Variants in LDB2 observed in about 807,000 individuals in gnomAD.
The protein encoded by LDB2 is LIM domain-binding protein 2.
In LDB2, 12 loss-of-function variants were observed where a neutral mutation model predicts 44.3. The observed-to-expected ratio is 0.27, with a 90% confidence interval of 0.17 to 0.44. The LOEUF is 0.44. LDB2 is among the 20% of genes least tolerant of loss of function. The pLI, the probability that LDB2 is intolerant of heterozygous loss-of-function variation, is 1.00. For synonymous variants in LDB2, 164 were observed against 174.8 expected (o/e 0.94, Z 0.49); for missense variants, 344 against 473.5 (o/e 0.73, Z 2.54).
chr4:16,885,181 T>G (rs999419131), intron 1 of LDB2, among the ~76,000 whole-genome samples: 2 of 150,990 alleles, frequency 1.3e-5, no homozygotes, highest in Middle Eastern at 3.4e-3. Context: ...AAAAAAACTT[T>G]TTTAATTAGT....
chr4:16,506,696 A>G (rs1056063060), intron 7 of LDB2: 22 of 152,144 alleles, frequency 1.4e-4, no homozygotes, highest in Admixed American at 1.3e-3. Context: ...GAGAGAGAAA[A>G]TGTCCTTGCC....
At chr4:16,788,911 G>T (rs1224259801) in intron 1 of LDB2, among the ~76,000 whole-genome samples, 6 of 152,108 alleles carry the variant, frequency 3.9e-5, no homozygotes, top group Admixed American at 3.9e-4. Flanking sequence ...ACTGCAGCAG[G>T]GCCATTACAC....
chr4:16,607,103 A>G (rs1724164496), intron 2 of LDB2, among the ~76,000 whole-genome samples: 1 of 152,228 alleles, frequency 6.6e-6, no homozygotes, highest in African/African-American at 2.4e-5. Context: ...AGCAGTTACT[A>G]AAATAGAAGC....
intron 2 of LDB2, among the ~76,000 whole-genome samples, chr4:16,662,172 T>C (rs1741780044): frequency 6.6e-6 from 1 of 152,200 alleles, no homozygotes; most frequent in Non-Finnish European, 1.5e-5. Flanking sequence ...ACCCGACTCA[T>C]GCCATTCCTC....
intron 2 of LDB2, among the ~76,000 whole-genome samples, chr4:16,687,853 A>G (rs1057138351): frequency 3.3e-5 from 5 of 152,186 alleles, no homozygotes; most frequent in Admixed American, 6.5e-5. Context: ...TGGAACTGAA[A>G]TTAACCTTAT....
intron 2 of LDB2, among the ~76,000 whole-genome samples, chr4:16,670,414 A>T (rs1347929144): frequency 6.6e-6 from 1 of 152,166 alleles, no homozygotes; most frequent in Non-Finnish European, 1.5e-5. Flanking sequence ...AACAAATATT[A>T]AGTCCCCACC....
chr4:16,755,132 C>A (rs1213551471), intron 2 of LDB2, among the ~76,000 whole-genome samples: 1 of 152,154 alleles, frequency 6.6e-6, no homozygotes, highest in African/African-American at 2.4e-5. Flanking sequence ...GCATGTTACT[C>A]AAATGGTGGT....
chr4:16,541,536 C>A (rs1733770848), intron 5 of LDB2, among the ~76,000 whole-genome samples: 1 of 152,172 alleles, frequency 6.6e-6, no homozygotes, highest in African/African-American at 2.4e-5. Context: ...GCCTAATAAA[C>A]CATGATTGGG....
At chr4:16,866,980 T>G (rs1242093814) in intron 1 of LDB2, among the ~76,000 whole-genome samples, 1 of 152,192 alleles carries the variant, frequency 6.6e-6, no homozygotes, top group Non-Finnish European at 1.5e-5. Context: ...TGGACTTTTG[T>G]GACAACCTTG....
intron 2 of LDB2, among the ~76,000 whole-genome samples, chr4:16,686,050 T>TA (rs991311687): frequency 1.0e-4 from 15 of 150,560 alleles, no homozygotes; most frequent in African/African-American, 1.7e-4. Flanking sequence ...AGACTCTGTC[T>TA]AAAAAAAAAG....
chr4:16,811,413 T>A (rs1779845980), intron 1 of LDB2, among the ~76,000 whole-genome samples: 1 of 152,224 alleles, frequency 6.6e-6, no homozygotes, highest in African/African-American at 2.4e-5. Context: ...TGAATTATTC[T>A]ACTATATTGG....
intron 2 of LDB2, among the ~76,000 whole-genome samples, chr4:16,604,949 C>T (rs6836574): frequency 1 from 151,821 of 152,316 alleles, 75,669 homozygotes; most frequent in Middle Eastern, 1. Flanking sequence ...GTGAAAGCAG[C>T]GCTCTATTTG....
chr4:16,853,499 G>A (rs143096468), intron 1 of LDB2, among the ~76,000 whole-genome samples: 1 of 152,154 alleles, frequency 6.6e-6, no homozygotes, highest in African/African-American at 2.4e-5. Flanking sequence ...AGGATGTGGA[G>A]AAAAATGAAT....
chr4:16,822,805 C>T (rs919529106), intron 1 of LDB2, among the ~76,000 whole-genome samples: 2 of 152,170 alleles, frequency 1.3e-5, no homozygotes, highest in Admixed American at 6.5e-5. Flanking sequence ...CATGCACCAC[C>T]GTGCCCGACC....
At chr4:16,542,950 G>A (rs953868714) in intron 5 of LDB2, among the ~76,000 whole-genome samples, 1 of 112,302 alleles carries the variant, frequency 8.9e-6, no homozygotes, top group African/African-American at 3.7e-5. Flanking sequence ...ATAGGCCCCA[G>A]TATGTGATGT....
intron 5 of LDB2, among the ~76,000 whole-genome samples, chr4:16,522,588 G>A (rs34315070): frequency 6.6e-6 from 1 of 152,054 alleles, no homozygotes; most frequent in Non-Finnish European, 1.5e-5. Flanking sequence ...GTGTCTGTGG[G>A]TCCTACAACC....
chr4:16,741,037 G>T (rs1434857319), intron 2 of LDB2, among the ~76,000 whole-genome samples: 2 of 152,192 alleles, frequency 1.3e-5, no homozygotes, highest in African/African-American at 2.4e-5. Context: ...TAGCATCAAA[G>T]ATGTAATTTG....
intron 5 of LDB2, among the ~76,000 whole-genome samples, chr4:16,573,231 G>A (rs1050191509): frequency 3.3e-5 from 5 of 152,210 alleles, no homozygotes; most frequent in Admixed American, 6.5e-5. Context: ...GGAACTAATG[G>A]TATTATGATA....
At chr4:16,576,744 C>A (rs1711776868) in intron 5 of LDB2, among the ~76,000 whole-genome samples, 1 of 152,090 alleles carries the variant, frequency 6.6e-6, no homozygotes, top group African/African-American at 2.4e-5. Context: ...GCCAGTATTA[C>A]CCTGATCCCA....
Sources: allele counts gnomAD v4.1 joint callset (sites outside exome capture counted in the v4.1 genomes callset), GRCh38; gene constraint gnomAD v4.1.1; transcripts MANE v1.5; gene names NCBI Gene and HGNC (gene_info 2026-07-23, HGNC 2026-07-21).